The following GPR89B variants were observed in gnomAD, a reference collection of about 807,000 sequenced individuals.
GPR89B encodes the protein golgi pH regulator B.
GPR89B carries 25 observed loss-of-function variants against 52.4 expected under a neutral mutation model. The observed-to-expected ratio is 0.48, with a 90% CI of 0.35 to 0.67. GPR89B has a LOEUF of 0.67. Ranked by LOEUF, GPR89B falls within the 30% of genes least tolerant of loss-of-function variation. GPR89B has a pLI of 0.01. For synonymous variants in GPR89B, 52 were observed against 151.2 expected, an observed-to-expected ratio of 0.34 and a Z score of 4.81; for missense variants, 146 against 450.2, an observed-to-expected ratio of 0.32 and a Z score of 6.11.
chr1:147,990,094 T>A (rs1373375225), intron 12 of GPR89B, among the ~76,000 whole-genome samples: 1 of 152,218 alleles, frequency 6.6e-6, no homozygotes, highest in Non-Finnish European at 1.5e-5. Context: ...TGTAAAAGTG[T>A]TGCTATTTCT....
At chr1:147,939,540 A>T (rs2149040094) in intron 3 of GPR89B, among the ~76,000 whole-genome samples, 1 of 152,304 alleles carries the variant, frequency 6.6e-6, no homozygotes, top group South Asian at 2.1e-4. Context: ...CTCTAAAGTT[A>T]GGATTCAGTG....
At chr1:148,025,169 G>A in the GPR89B span, among the ~76,000 whole-genome samples, 1 of 151,766 alleles carries the variant, frequency 6.6e-6, no homozygotes, top group Non-Finnish European at 1.5e-5. Context: ...ACTCAAGTAA[G>A]AGCACTGCTT....
chr1:147,965,662 A>AT (rs1381377376), intron 7 of GPR89B, among the ~76,000 whole-genome samples: 1 of 152,020 alleles, frequency 6.6e-6, no homozygotes, highest in Non-Finnish European at 1.5e-5. Flanking sequence ...TGTAGGACAG[A>AT]TTACAGAAGG....
chr1:147,990,510 T>C (rs1658981751), intron 12 of GPR89B, among the ~76,000 whole-genome samples: 1 of 152,222 alleles, frequency 6.6e-6, no homozygotes, highest in African/African-American at 2.4e-5. Flanking sequence ...GTTTTAGACA[T>C]GAAGTCCTTG....
chr1:148,016,837 A>T, the GPR89B span, among the ~76,000 whole-genome samples: 1 of 150,940 alleles, frequency 6.6e-6, no homozygotes, highest in African/African-American at 2.5e-5. Context: ...CAGTTCACTG[A>T]TAATCTTTTC....
intron 5 of GPR89B, 90 bp downstream of exon 5, chr1:147,944,188 A>C: frequency 2.1e-6 from 3 of 1,440,944 alleles, no homozygotes; most frequent in Non-Finnish European, 2.8e-6. Flanking sequence ...TTTCTTGGGG[A>C]AAAAATGTAT....
At chr1:147,969,429 A>G (rs1449330915) in intron 9 of GPR89B, 1 of 206,192 alleles carries the variant, frequency 4.8e-6, no homozygotes, top group Non-Finnish European at 9.7e-6. Flanking sequence ...AATGTGCAAA[A>G]TCTGTTAGTG....
the GPR89B span, among the ~76,000 whole-genome samples, chr1:148,017,746 T>TACATAAAATAAAATAAAATA: frequency 1.4e-5 from 2 of 143,354 alleles, no homozygotes; most frequent in African/African-American, 5.4e-5. Flanking sequence ...TCAAAATAAA[T>TACATAAAATAAAATAAAATA]AAATAAAATA....
At chr1:147,981,147 G>C (rs1658216700) in intron 10 of GPR89B, among the ~76,000 whole-genome samples, 2 of 149,332 alleles carry the variant, frequency 1.3e-5, no homozygotes, top group Non-Finnish European at 3.0e-5. Flanking sequence ...TGTTTTTAAG[G>C]TACATCCATG....
chr1:147,970,492 T>TCTCTCTCTCTCTCTCCCTCC (rs1657348825), intron 10 of GPR89B, among the ~76,000 whole-genome samples: 29 of 45,908 alleles, frequency 6.3e-4, no homozygotes, highest in East Asian at 1.1e-3. Context: ...TGAGACTCCA[T>TCTCTCTCTCTCTCTCCCTCC]CTCTCTCTCT....
At chr1:147,937,532 C>T (rs1204383469) in intron 2 of GPR89B, among the ~76,000 whole-genome samples, 1 of 152,058 alleles carries the variant, frequency 6.6e-6, no homozygotes, top group Admixed American at 6.5e-5. Flanking sequence ...CTATCTCAAC[C>T]GCATAAGACA....
At chr1:147,949,199 C>T (rs1315012445) in intron 5 of GPR89B, among the ~76,000 whole-genome samples, 4 of 152,132 alleles carry the variant, frequency 2.6e-5, no homozygotes, top group Non-Finnish European at 4.4e-5. Context: ...TTTCTCAATC[C>T]TTTCCCCGCC....
intron 3 of GPR89B, among the ~76,000 whole-genome samples, chr1:147,941,301 T>C (rs1363877331): frequency 6.6e-6 from 1 of 152,250 alleles, no homozygotes; most frequent in Admixed American, 6.5e-5. Flanking sequence ...AAAGTTGCAC[T>C]TGTTATTTCA....
intron 10 of GPR89B, among the ~76,000 whole-genome samples, chr1:147,983,818 C>T (rs1310685790): frequency 3.3e-5 from 5 of 151,980 alleles, no homozygotes; most frequent in African/African-American, 1.2e-4. Flanking sequence ...CCAGCCATCC[C>T]ATTACTGGGT....
chr1:147,993,950 T>C (rs1337744206), downstream of GPR89B: 7 of 237,452 alleles, frequency 2.9e-5, no homozygotes, highest in Non-Finnish European at 5.0e-5. Context: ...TATAAGCAGC[T>C]GTCACCTATA....
intron 7 of GPR89B, among the ~76,000 whole-genome samples, chr1:147,958,988 T>C (rs1480815512): frequency 6.6e-6 from 1 of 152,248 alleles, no homozygotes; most frequent in Non-Finnish European, 1.5e-5. Flanking sequence ...ACTGTTTTTG[T>C]TGTTTACAAG....
chr1:147,936,041 C>G (rs1654054065), intron 1 of GPR89B, among the ~76,000 whole-genome samples: 1 of 152,102 alleles, frequency 6.6e-6, no homozygotes, highest in African/African-American at 2.4e-5. Flanking sequence ...TTTTCGAGAC[C>G]TAGTCTCACT....
chr1:147,973,114 T>TGG (rs1415558822), intron 10 of GPR89B, among the ~76,000 whole-genome samples: 2 of 151,936 alleles, frequency 1.3e-5, no homozygotes, highest in Non-Finnish European at 2.9e-5. Context: ...AGTGCTGCAG[T>TGG]GGGCGTACAT....
chr1:147,990,862 T>A (rs1212219915), intron 12 of GPR89B, among the ~76,000 whole-genome samples: 1 of 151,570 alleles, frequency 6.6e-6, no homozygotes, highest in African/African-American at 2.4e-5. Context: ...CCTTGTAGTA[T>A]AGCTTGAAGT....
Sources: gnomAD v4.1 joint callset for allele counts (sites outside exome capture counted in the v4.1 genomes callset) on GRCh38, gnomAD v4.1.1 for gene constraint, MANE v1.5 for transcripts, NCBI Gene and HGNC (gene_info 2026-07-23, HGNC 2026-07-21) for gene names.